ABL1: variants seen among roughly 807,000 people sequenced by gnomAD.
ABL1 encodes tyrosine-protein kinase ABL1.
ABL1 carries 11 observed loss-of-function variants against 94.7 expected under a neutral mutation model. The ratio of observed to expected loss-of-function variants is 0.12; its 90% confidence interval spans 0.07 to 0.19. ABL1 has a LOEUF of 0.19. Ranked by LOEUF, ABL1 falls within the 10% of genes least tolerant of loss-of-function variation. The probability of loss-of-function intolerance (pLI) is 1.00; values close to 1 mark genes in which losing one functional copy is unlikely to be tolerated. For synonymous variants in ABL1, 656 were observed against 622.4 expected (o/e 1.05, Z -0.80); for missense variants, 1,082 against 1,489.4 (o/e 0.73, Z 4.50).
At position 130,885,310 on chromosome 9, in the gene ABL1, C is replaced by T; in HGVS notation, c.3020C>T (p.Ser1007Leu). The T allele has an allele frequency of 2.5e-6, 4 of 1,613,678 alleles. No individual in the cohort carries two copies. The highest frequency in any genetic ancestry group is 3.4e-6 in the Non-Finnish European group (4 of 1,180,030). Residue 1007 changes from serine (S) to leucine (L), a missense_variant, in exon 11 of 11, where the codon TCA (serine) becomes TTA (leucine). Coordinates refer to ENST00000318560, the MANE Select transcript of ABL1 (RefSeq NM_005157.6). ...TCCACCGCCTTCATCCCTCTCATAT[C>T]AACCCGAGTGTCTCTTCGGAAAACC... is the stretch of plus-strand genomic sequence containing the variant. ...PSSTAFIPLI[S>L]TRVSLRKTRQ...
chr9:130,768,248 T>G (rs892078607), intron 1 of ABL1, among the ~76,000 whole-genome samples: 1 of 152,160 alleles, frequency 6.6e-6, no homozygotes, highest in African/African-American at 2.4e-5. Flanking sequence ...GGCAGCAGGA[T>G]TTACTTGGTT....
At chr9:130,763,606 C>T (rs1832144682) in intron 1 of ABL1, among the ~76,000 whole-genome samples, 1 of 152,186 alleles carries the variant, frequency 6.6e-6, no homozygotes, top group Admixed American at 6.5e-5. Flanking sequence ...GGCTCACTCA[C>T]AGGGCTGGCG....
chr9:130,818,618 T>C (rs537238757), intron 1 of ABL1, among the ~76,000 whole-genome samples: 4,422 of 152,332 alleles, frequency 0.029, 213 homozygotes, highest in African/African-American at 0.1. Context: ...TTAATTTAAC[T>C]TTTAGGCTTA....
At chr9:130,809,618 T>G (rs1024759777) in intron 1 of ABL1, among the ~76,000 whole-genome samples, 2 of 152,084 alleles carry the variant, frequency 1.3e-5, no homozygotes, top group South Asian at 4.1e-4. Context: ...TCAGTTCAAG[T>G]CCAAAGGCAG....
chr9:130,884,370 A>G lies in ABL1; in HGVS notation c.2080A>G (p.Thr694Ala), dbSNP rs780087502. The change falls in exon 11 of 11, where the codon ACC (threonine) becomes GCC (alanine). Residue 694 changes from threonine (T) to alanine (A), a missense_variant. Physicochemically the swap from Thr to Ala is moderately conservative, Grantham distance 58. Transcript: ENST00000318560. This position sits in a 1 kb window ranked among gnomAD's most constrained non-coding sequence, Gnocchi z 5.6. ...CCTGTGGAAGAAGTCCAGCACGCTGACCAGCAGCCGCCTAGCCACCGGCGA... is the reference window on the plus strand; with the variant it reads ...CCTGTGGAAGAAGTCCAGCACGCTGGCCAGCAGCCGCCTAGCCACCGGCGA... Reference protein sequence around the residue: ...PHLWKKSSTLTSSRLATGEEE... With the variant: ...PHLWKKSSTLASSRLATGEEE... 6.2e-7 allele frequency: 1 copy of G among 1,611,992 alleles called. No homozygotes were observed. The highest frequency in any genetic ancestry group is 1.1e-5 in the South Asian group (1 of 91,064).
chr9:130,794,336 G>T (rs1181524988), intron 1 of ABL1, among the ~76,000 whole-genome samples: 2 of 152,038 alleles, frequency 1.3e-5, no homozygotes, highest in Non-Finnish European at 2.9e-5. Flanking sequence ...TTACCTGTGA[G>T]CCCACATCCA....
chr9:130,765,389 C>T (rs1832170276), intron 1 of ABL1, among the ~76,000 whole-genome samples: 1 of 152,098 alleles, frequency 6.6e-6, no homozygotes, highest in South Asian at 2.1e-4. Flanking sequence ...CATGGAAATC[C>T]TTGTGGTGTT....
At chr9:130,809,417 AGTGTGTGT>A (rs367661812) in intron 1 of ABL1, among the ~76,000 whole-genome samples, 1 of 84,306 alleles carries the variant, frequency 1.2e-5, no homozygotes, top group Non-Finnish European at 2.7e-5. Context: ...AGAGAGAGAG[AGTGTGTGT>A]GTGTGTGTGT....
rs549330286 is a variant in ABL1, at chr9:130,827,027, G to A, written c.137-27037G>A. ...CTGAAGGCGGAGCTTGCAGTGAGCC[G>A]AGATGGCGCCACTGCACTCCAGCCT... On this transcript the variant is annotated intron_variant, in intron 1 of 10. Coordinates refer to the ABL1 transcript ENST00000372348. Among the ~76,000 whole-genome samples the A allele has an allele frequency of 3.3e-5, 5 of 152,206 alleles. No individual in the cohort carries two copies. The South Asian group carries it at 1.0e-3, about 32-fold the overall frequency.
intron 1 of ABL1, among the ~76,000 whole-genome samples, chr9:130,813,780 T>TAA (rs1467642314): frequency 6.6e-6 from 1 of 152,108 alleles, no homozygotes; most frequent in Non-Finnish European, 1.5e-5. Flanking sequence ...GTGATGGAGC[T>TAA]AAAGGGAAAT....
intron 4 of ABL1, among the ~76,000 whole-genome samples, chr9:130,866,994 A>G (rs1831168169): frequency 6.6e-6 from 1 of 152,290 alleles, no homozygotes; most frequent in East Asian, 1.9e-4. Context: ...GCAATTTTTT[A>G]ATGAACTGTA....
At chr9:130,798,443 G>A (rs1360806715) in intron 1 of ABL1, among the ~76,000 whole-genome samples, 1 of 152,202 alleles carries the variant, frequency 6.6e-6, no homozygotes, top group Non-Finnish European at 1.5e-5. Flanking sequence ...TTCCTATGAA[G>A]TTAATCTAAC....
intron 1 of ABL1, among the ~76,000 whole-genome samples, chr9:130,808,897 C>CTG (rs1203457821): frequency 1.3e-5 from 2 of 152,300 alleles, no homozygotes; most frequent in East Asian, 1.9e-4. Flanking sequence ...ATGTCAAACT[C>CTG]TGAAGTTATT....
chr9:130,809,538 CTT>C (rs942865841), intron 1 of ABL1, among the ~76,000 whole-genome samples: 4 of 151,954 alleles, frequency 2.6e-5, no homozygotes, highest in Non-Finnish European at 5.9e-5. Context: ...AAGATGGAGA[CTT>C]AGGAGAGCCA....
rs774182803 is a variant in ABL1 at position 130,872,846 on chromosome 9, T to C, written c.908-14T>C. The C allele has an allele frequency of 1.2e-6, 2 of 1,601,514 alleles. No homozygotes were observed. Among genetic ancestry groups the C allele is most frequent in the Non-Finnish European group, 8.5e-7 (1 of 1,171,304 alleles). On this transcript the variant is annotated splice_polypyrimidine_tract_variant and intron_variant, in intron 5 of 10. Coordinates refer to ENST00000318560, the MANE Select transcript of ABL1 (RefSeq NM_005157.6). The surrounding 1 kb of genome is among the most constrained non-coding windows in gnomAD (Gnocchi z 5.0). ...CGGAGCCACGTGTTGAAGTCCTCGT[T>C]GTCTTGTTGGCAGGGGTCTGCACCC...
At chr9:130,753,639 T>C (rs985041049) in intron 1 of ABL1, among the ~76,000 whole-genome samples, 19 of 151,454 alleles carry the variant, frequency 1.3e-4, no homozygotes, top group African/African-American at 4.6e-4. Flanking sequence ...TTGGCCAGGC[T>C]GGTCTCGAAT....
At chr9:130,820,613 G>C (rs113315705) in intron 1 of ABL1, among the ~76,000 whole-genome samples, 5,379 of 152,226 alleles carry the variant, frequency 0.035, 302 homozygotes, top group African/African-American at 0.12. Flanking sequence ...CAGGCTGACT[G>C]TCCAGACATA....
At chr9:130,857,940 T>C (rs1006535293) in intron 3 of ABL1, among the ~76,000 whole-genome samples, 5 of 152,084 alleles carry the variant, frequency 3.3e-5, no homozygotes, top group African/African-American at 1.2e-4. Flanking sequence ...CTTCAGGACA[T>C]TGGGCCCTTT....
chr9:130,745,535 C>T (rs1411850188), intron 1 of ABL1, among the ~76,000 whole-genome samples: 1 of 151,656 alleles, frequency 6.6e-6, no homozygotes, highest in African/African-American at 2.4e-5. Context: ...CTCTCTCTCC[C>T]TCTCCTCTGC....
Sources: gnomAD v4.1 joint callset for allele counts (sites outside exome capture counted in the v4.1 genomes callset) on GRCh38, gnomAD v4.1.1 for gene constraint, Gnocchi (gnomAD v3.1) non-coding constraint, MANE v1.5 for transcripts, NCBI Gene and HGNC (gene_info 2026-07-23, HGNC 2026-07-21) for gene names.